TRERF1: variants seen among roughly 807,000 people sequenced by gnomAD.
TRERF1 encodes transcriptional regulating factor 1.
In TRERF1, 27 loss-of-function variants were observed where a neutral mutation model predicts 122.9. The observed-to-expected ratio is 0.22, with a 90% CI of 0.16 to 0.30. The LOEUF is 0.30. Ranked by LOEUF, TRERF1 falls within the 10% of genes least tolerant of loss-of-function variation. The pLI, the probability that TRERF1 is intolerant of heterozygous loss-of-function variation, is 1.00. For synonymous variants in TRERF1, 636 were observed against 641.7 expected, an observed-to-expected ratio of 0.99 and a Z score of 0.13; for missense variants, 1,248 against 1,560.3, an observed-to-expected ratio of 0.80 and a Z score of 3.37.
chr6:42,374,874 G>A (rs1774532898), intron 2 of TRERF1, among the ~76,000 whole-genome samples: 1 of 151,918 alleles, frequency 6.6e-6, no homozygotes, highest in African/African-American at 2.4e-5. Flanking sequence ...AGCCGGGTGT[G>A]GTGGCGTGCA....
intron 2 of TRERF1, among the ~76,000 whole-genome samples, chr6:42,372,205 A>T (rs1462649766): frequency 6.6e-6 from 1 of 151,604 alleles, no homozygotes; most frequent in Non-Finnish European, 1.5e-5. Context: ...AAAAACAAAA[A>T]CCCCTCAACT....
chr6:42,296,194 C>T (rs1785081284), intron 4 of TRERF1, among the ~76,000 whole-genome samples: 1 of 152,138 alleles, frequency 6.6e-6, no homozygotes, highest in Non-Finnish European at 1.5e-5. Flanking sequence ...TTTTCAGAAC[C>T]CCTGGTTTAC....
chr6:42,285,351 G>A (rs1172334034), intron 4 of TRERF1, among the ~76,000 whole-genome samples: 4 of 152,154 alleles, frequency 2.6e-5, no homozygotes, highest in African/African-American at 7.2e-5. Context: ...AGACTTTGCT[G>A]AAGTTGCTTA....
chr6:42,314,956 A>C (rs12211455), intron 3 of TRERF1, among the ~76,000 whole-genome samples: 1 of 152,200 alleles, frequency 6.6e-6, no homozygotes. Context: ...GGAAAGGCCA[A>C]GGTAAGGAGG....
intron 16 of TRERF1, among the ~76,000 whole-genome samples, chr6:42,235,006 A>T (rs1771770507): frequency 6.6e-6 from 1 of 152,228 alleles, no homozygotes; most frequent in Admixed American, 6.5e-5. Flanking sequence ...CCAGGTCATT[A>T]AACATCAAAG....
At chr6:42,225,076 G>A (rs935439065), downstream of TRERF1, 4 of 151,786 alleles carry the variant, frequency 2.6e-5, no homozygotes, top group Admixed American at 2.0e-4. Context: ...TTTCTGAGAG[G>A]CTAATGATTA....
At chr6:42,349,787 T>C (rs1231169748) in intron 3 of TRERF1, among the ~76,000 whole-genome samples, 3 of 152,230 alleles carry the variant, frequency 2.0e-5, no homozygotes, top group African/African-American at 7.2e-5. Context: ...TTACCTATTC[T>C]CTTTCATGGT....
intron 3 of TRERF1, among the ~76,000 whole-genome samples, chr6:42,349,590 A>C (rs1185332287): frequency 6.6e-6 from 1 of 152,162 alleles, no homozygotes; most frequent in Admixed American, 6.5e-5. Flanking sequence ...AGATCACTCA[A>C]GGAACAAAAA....
chr6:42,245,213 G>A (rs1774547854), intron 14 of TRERF1, among the ~76,000 whole-genome samples: 1 of 152,248 alleles, frequency 6.6e-6, no homozygotes, highest in Non-Finnish European at 1.5e-5. Flanking sequence ...GGAGGGGAGG[G>A]TGACTCTAGA....
At chr6:42,331,468 C>A (rs961926861) in intron 3 of TRERF1, among the ~76,000 whole-genome samples, 1 of 152,162 alleles carries the variant, frequency 6.6e-6, no homozygotes, top group African/African-American at 2.4e-5. Flanking sequence ...TGCAGATGTG[C>A]GAGTGGAGGT....
intron 2 of TRERF1, among the ~76,000 whole-genome samples, chr6:42,364,886 G>A (rs990882924): frequency 6.6e-6 from 1 of 152,194 alleles, no homozygotes; most frequent in Admixed American, 6.5e-5. Flanking sequence ...GGACTGAGGC[G>A]TGAGGTCCCA....
chr6:42,354,515 C>T (rs1233753581), intron 3 of TRERF1, among the ~76,000 whole-genome samples: 1 of 151,936 alleles, frequency 6.6e-6, no homozygotes, highest in African/African-American at 2.4e-5. Flanking sequence ...CTACATTTTG[C>T]ACTTTAATTG....
chr6:42,264,098 T>C (rs1778722846), intron 7 of TRERF1, among the ~76,000 whole-genome samples: 1 of 152,248 alleles, frequency 6.6e-6, no homozygotes. Context: ...AAAAATTCTG[T>C]TCAACAGAGA....
At chr6:42,450,521 C>A (rs1327132143) in intron 2 of TRERF1, among the ~76,000 whole-genome samples, 1 of 152,216 alleles carries the variant, frequency 6.6e-6, no homozygotes, top group African/African-American at 2.4e-5. Flanking sequence ...AGAAGACACA[C>A]GGAGGAACCA....
chr6:42,261,668 G>A (rs971816946), intron 8 of TRERF1, among the ~76,000 whole-genome samples: 8 of 152,094 alleles, frequency 5.3e-5, no homozygotes, highest in South Asian at 2.1e-4. Flanking sequence ...ATGGGCACTC[G>A]GGGCTCCTTC....
intron 2 of TRERF1, among the ~76,000 whole-genome samples, chr6:42,422,874 T>C (rs1783006261): frequency 6.6e-6 from 1 of 152,042 alleles, no homozygotes; most frequent in Admixed American, 6.6e-5. Flanking sequence ...AGTTTCGCTC[T>C]TGTTGCCCAG....
chr6:42,259,426 G>A lies in TRERF1; in HGVS notation c.2182C>T (p.Leu728Phe), dbSNP rs1777394626. ...GCGCCAGGGCCGTGGCCGGAGATGA[G>A]GACATTGCTGAAGAGCCCCGAGCCC... Residue 728 changes from leucine to phenylalanine, a missense_variant, in exon 9 of 18, where the codon CTC (leucine) becomes TTC (phenylalanine). Physicochemically the swap from Leu to Phe is conservative, Grantham distance 22. Around this residue, in one of 5 missense-constraint regions of TRERF1, gnomAD observed 946 missense variants for 1,073.0 expected, o/e 0.88. Coordinates refer to ENST00000372922, the Ensembl canonical transcript of TRERF1. This position sits in a 1 kb window ranked among gnomAD's most constrained non-coding sequence, Gnocchi z 4.9. The A allele has an allele frequency of 1.3e-6, 2 of 1,585,754 alleles. No individual in the cohort carries two copies. Among genetic ancestry groups the A allele is most frequent in the Non-Finnish European group, 1.7e-6 (2 of 1,171,788 alleles).
At chr6:42,406,535 G>A (rs537945466) in intron 2 of TRERF1, among the ~76,000 whole-genome samples, 1 of 152,234 alleles carries the variant, frequency 6.6e-6, no homozygotes, top group South Asian at 2.1e-4. Context: ...GGTTGCAATC[G>A]GGCTCCAATG....
chr6:42,327,710 A>G (rs1279874619), intron 3 of TRERF1, among the ~76,000 whole-genome samples: 2 of 152,196 alleles, frequency 1.3e-5, no homozygotes, highest in Non-Finnish European at 2.9e-5. Context: ...TGAGGTTGTA[A>G]CTGCTAAGAA....
Sources: allele counts gnomAD v4.1 joint callset (sites outside exome capture counted in the v4.1 genomes callset), GRCh38; gene constraint gnomAD v4.1.1; regional missense constraint gnomAD v4.1.1; non-coding constraint Gnocchi (gnomAD v3.1); transcripts MANE v1.5; gene names NCBI Gene and HGNC (gene_info 2026-07-23, HGNC 2026-07-21).